Variants in GLIPR1L2 observed in about 807,000 individuals in gnomAD.
GLIPR1L2 encodes GLIPR1 like 2.
A neutral mutation model predicts 28.4 loss-of-function variants in GLIPR1L2; 21 were observed. The ratio of observed to expected loss-of-function variants is 0.74; its 90% CI spans 0.52 to 1.06. The LOEUF is 1.06. GLIPR1L2 is among the 50% of genes least tolerant of loss of function. The pLI is 0.00. For missense variants in GLIPR1L2, 476 were observed against 416.9 expected, an observed-to-expected ratio of 1.14 and a Z score of -1.23; for synonymous variants, 145 against 139.3, an observed-to-expected ratio of 1.04 and a Z score of -0.29.
At chr12:75,402,924 T>G in intron 1 of GLIPR1L2, 1 of 449,256 alleles carries the variant, frequency 2.2e-6, no homozygotes, top group East Asian at 7.0e-5. Context: ...TTCTCTCTCC[T>G]CTAACATGAT....
intron 2 of GLIPR1L2, 36 bp from the exon 3 acceptor site, chr12:75,413,562 T>C (rs768147552): frequency 3.4e-6 from 4 of 1,181,026 alleles, no homozygotes; most frequent in Non-Finnish European, 4.9e-6. Context: ...ATGTTTAAAA[T>C]TAAATTTTGT....
intron 1 of GLIPR1L2, among the ~76,000 whole-genome samples, chr12:75,400,198 A>T (rs1191948533): frequency 6.6e-6 from 1 of 152,204 alleles, no homozygotes; most frequent in Non-Finnish European, 1.5e-5. Context: ...GGCTCACTGC[A>T]ACCTCTGCCT....
At chr12:75,402,960 C>G (rs2045758255) in intron 1 of GLIPR1L2, 1 of 456,510 alleles carries the variant, frequency 2.2e-6, no homozygotes, top group Non-Finnish European at 4.4e-6. Flanking sequence ...CACAATAGCC[C>G]TAAATAAAGT....
intron 1 of GLIPR1L2, among the ~76,000 whole-genome samples, chr12:75,394,995 G>A (rs189518691): frequency 3.3e-5 from 5 of 151,634 alleles, no homozygotes; most frequent in Admixed American, 3.3e-4. Flanking sequence ...TATTCTTTTT[G>A]ATGCTATTGT....
chr12:75,430,708 T>C lies in GLIPR1L2; in HGVS notation c.671-7T>C. The C allele has an allele frequency of 6.5e-7, 1 of 1,530,252 alleles. No individual in the cohort carries two copies. The highest frequency in any genetic ancestry group is 2.0e-5 in the Admixed American group (1 of 49,666). 94.8% of individuals were successfully genotyped at this position (1,530,252 alleles called of 1,614,324 possible). ...GTAATTTTTGTGGACTTTCTTTTTC[T>C]TTCTAGGTAATGCAGATCGTGACCA... On this transcript the variant is annotated splice_polypyrimidine_tract_variant and splice_region_variant and intron_variant, in intron 4 of 5. Coordinates refer to ENST00000550916, the MANE Select transcript of GLIPR1L2 (RefSeq NM_001270396.2).
chr12:75,409,907 A>G (rs2045847788), intron 1 of GLIPR1L2, among the ~76,000 whole-genome samples: 1 of 149,244 alleles, frequency 6.7e-6, no homozygotes, highest in African/African-American at 2.4e-5. Context: ...TATAAGATTT[A>G]TATCTAATCC....
chr12:75,425,879 T>C (rs920715617), intron 4 of GLIPR1L2, among the ~76,000 whole-genome samples: 1 of 152,112 alleles, frequency 6.6e-6, no homozygotes, highest in Non-Finnish European at 1.5e-5. Flanking sequence ...AAAGTAAGCA[T>C]GAATCTTATG....
chr12:75,401,639 A>G (rs545580604), intron 1 of GLIPR1L2, among the ~76,000 whole-genome samples: 1 of 152,200 alleles, frequency 6.6e-6, no homozygotes, highest in South Asian at 2.1e-4. Flanking sequence ...GCTCATAAAG[A>G]AAAACTTAAG....
intron 4 of GLIPR1L2, among the ~76,000 whole-genome samples, chr12:75,429,679 G>A (rs933674807): frequency 2.6e-5 from 4 of 152,144 alleles, no homozygotes; most frequent in African/African-American, 9.7e-5. Flanking sequence ...TCCAAGTGCT[G>A]AGGGAGGGAC....
intron 3 of GLIPR1L2, among the ~76,000 whole-genome samples, chr12:75,416,774 A>C (rs1376867878): frequency 6.6e-6 from 1 of 152,126 alleles, no homozygotes; most frequent in Non-Finnish European, 1.5e-5. Flanking sequence ...CTTATTGCAC[A>C]AGCTTCTTTG....
intron 4 of GLIPR1L2, among the ~76,000 whole-genome samples, chr12:75,426,529 T>C (rs1215543717): frequency 6.6e-6 from 1 of 152,252 alleles, no homozygotes; most frequent in African/African-American, 2.4e-5. Context: ...GCTTTTCTTA[T>C]ATCTTTCCTA....
rs1031789219 is a variant in GLIPR1L2, at chr12:75,431,652, T to C, written c.*491T>C. The C allele has an allele frequency of 3.9e-5, 6 of 152,580 alleles. No homozygotes were observed. Among genetic ancestry groups the C allele is most frequent in the Non-Finnish European group, 8.8e-5 (6 of 68,318 alleles). 9.5% of individuals were successfully genotyped at this position (152,580 alleles called of 1,614,324 possible). A position where few individuals can be genotyped will look rare whatever the true frequency, so the allele number is the denominator to read the frequency against. ...GGTATTTTCATGTGATATTAAGGTA[T>C]CTAATATTATTATTTGTCTTTGTGG... On this transcript the variant is annotated 3_prime_UTR_variant, in exon 6 of 6. Transcript: ENST00000550916.
rs1381033603 is a variant in GLIPR1L2 at position 75,431,355 on chromosome 12, C to CA, written c.*200dup. 3.4e-5 allele frequency: 16 copies of CA among 465,196 alleles called. No individual in the cohort carries two copies. Among genetic ancestry groups the CA allele is most frequent in the Non-Finnish European group, 5.3e-5 (14 of 266,620 alleles). The allele number at this position is 465,196 out of a possible 1,614,324, so 28.8% of individuals were successfully genotyped here. On this transcript the variant is annotated 3_prime_UTR_variant, in exon 6 of 6. Coordinates refer to ENST00000550916, the MANE Select transcript of GLIPR1L2 (RefSeq NM_001270396.2). ...AATTTAAATTTGTAAAACAAAGAAACAAAAAACATGTAAGGTGGGCTCTTT... is the reference window on the plus strand; with the variant it reads ...AATTTAAATTTGTAAAACAAAGAAACAAAAAAACATGTAAGGTGGGCTCTTT...
chr12:75,415,225 A>G (rs1056435717), intron 3 of GLIPR1L2, among the ~76,000 whole-genome samples: 1 of 152,112 alleles, frequency 6.6e-6, no homozygotes, highest in Non-Finnish European at 1.5e-5. Context: ...AGATTTTGGA[A>G]TTTATCCTAA....
In GLIPR1L2 at chr12:75,391,198, C is replaced by G; in HGVS notation, c.82C>G (p.Leu28Val). The G allele has an allele frequency of 6.2e-7, 1 of 1,614,236 alleles. No homozygotes were observed. Residue 28 changes from leucine (L) to valine (V), a missense_variant, in exon 1 of 6, where the codon CTC becomes GTC. Leu to Val is a conservative substitution (Grantham distance 32). Transcript: ENST00000550916. Reference protein sequence around the residue: ...LAVGGVLKLRLCELWLLLLGS... With the variant: ...LAVGGVLKLRVCELWLLLLGS... ...AGTAGGGGGCGTTTTGAAGCTGCGG[C>G]TCTGTGAGCTGTGGCTACTGCTACT... is the stretch of plus-strand genomic sequence containing the variant.
intron 1 of GLIPR1L2, chr12:75,391,666 T>A: frequency 1.7e-6 from 1 of 593,072 alleles, no homozygotes; most frequent in Non-Finnish European, 2.8e-6. Context: ...TAAAAATCAG[T>A]GCAAAAATAT....
At chr12:75,402,490 A>G (rs2045753038) in intron 1 of GLIPR1L2, among the ~76,000 whole-genome samples, 2 of 152,244 alleles carry the variant, frequency 1.3e-5, no homozygotes, top group Admixed American at 1.3e-4. Context: ...TTATCAATAT[A>G]CATTGGACAG....
In GLIPR1L2 at chr12:75,397,472, A is replaced by G. The variant is rs369755590; in HGVS notation, c.234+6122A>G. Among the ~76,000 whole-genome samples the G allele has an allele frequency of 3.6e-4, 55 of 152,184 alleles. 1 individual carries two copies. In the South Asian group the frequency reaches 0.01, roughly 29 times the overall value. On this transcript the variant is annotated intron_variant, in intron 1 of 5. Transcript: ENST00000550916. The stretch of plus-strand genomic sequence containing the variant: ...AATTTTCTATCCTATGCTTATTTTC[A>G]GCAGAGATTGTGTGTGTGTGAAAGA...
intron 1 of GLIPR1L2, among the ~76,000 whole-genome samples, chr12:75,395,153 G>T (rs1444048964): frequency 2.6e-5 from 4 of 151,860 alleles, no homozygotes; most frequent in South Asian, 4.2e-4. Flanking sequence ...TTTTGTGTGT[G>T]GAATCTTTAG....
Sources: gnomAD v4.1 joint callset for allele counts (sites outside exome capture counted in the v4.1 genomes callset) on GRCh38, gnomAD v4.1.1 for gene constraint, MANE v1.5 for transcripts, NCBI Gene and HGNC (gene_info 2026-07-23, HGNC 2026-07-21) for gene names.